RGS17: variants seen among roughly 807,000 people sequenced by gnomAD.
RGS17 encodes the protein regulator of G protein signaling 17, also known as regulator of G-protein signaling 17.
In RGS17, 12 loss-of-function variants were observed where a neutral mutation model predicts 25.5. The ratio of observed to expected loss-of-function variants is 0.47; its 90% CI spans 0.30 to 0.76. The LOEUF is 0.76. RGS17 is among the 30% of genes least tolerant of loss of function. RGS17 has a pLI of 0.07. For missense variants in RGS17, 196 were observed against 242.2 expected (o/e 0.81, Z 1.27); for synonymous variants, 71 against 76.9 (o/e 0.92, Z 0.40).
At chr6:153,074,467 ACT>A (rs375983662) in intron 1 of RGS17, among the ~76,000 whole-genome samples, 8 of 152,092 alleles carry the variant, frequency 5.3e-5, no homozygotes, top group African/African-American at 1.4e-4. Flanking sequence ...TACTAAGAAC[ACT>A]CTTCATTTCC....
chr6:153,019,963 G>C (rs1204386586), intron 4 of RGS17, among the ~76,000 whole-genome samples: 1 of 150,344 alleles, frequency 6.7e-6, no homozygotes, highest in Non-Finnish European at 1.5e-5. Flanking sequence ...TTCCCTTGAA[G>C]ACATCACTTT....
chr6:153,059,520 TG>T (rs1166214190), intron 1 of RGS17, among the ~76,000 whole-genome samples: 1 of 152,238 alleles, frequency 6.6e-6, no homozygotes, highest in East Asian at 1.9e-4. Flanking sequence ...TGCCTTGTAC[TG>T]GCTGTGTGGC....
chr6:153,091,760 G>A (rs1335506628), intron 1 of RGS17, among the ~76,000 whole-genome samples: 2 of 152,068 alleles, frequency 1.3e-5, no homozygotes, highest in Non-Finnish European at 2.9e-5. Context: ...TGATCTGCCC[G>A]CCTTGGCCTC....
At chr6:153,117,442 AT>A (rs1253722783) in intron 1 of RGS17, among the ~76,000 whole-genome samples, 2 of 152,202 alleles carry the variant, frequency 1.3e-5, no homozygotes, top group African/African-American at 4.8e-5. Flanking sequence ...AAGCCTAACC[AT>A]ATCAGGCACT....
At chr6:153,033,259 G>C (rs1194522417) in intron 2 of RGS17, among the ~76,000 whole-genome samples, 1 of 152,088 alleles carries the variant, frequency 6.6e-6, no homozygotes, top group Non-Finnish European at 1.5e-5. Flanking sequence ...ATTTGATTTG[G>C]AATGCCAACT....
chr6:153,018,910 A>C (rs1190978226), intron 4 of RGS17, among the ~76,000 whole-genome samples: 4 of 152,264 alleles, frequency 2.6e-5, no homozygotes, highest in Admixed American at 1.3e-4. Context: ...TGCTAAATTC[A>C]CATAATTTCA....
rs1179983272 is a variant in RGS17, at chr6:153,054,043, GTA to G, written c.-25-10002_-25-10001del. Among the ~76,000 whole-genome samples, 20 of 41,750 alleles carry G rather than the reference GTA, an allele frequency of 4.8e-4. 2 individuals are homozygous for G. The highest frequency in any genetic ancestry group is 2.0e-3 in the African/African-American group (17 of 8,594). 27.4% of individuals were successfully genotyped at this position (41,750 alleles called of 152,430 possible). A position where few individuals can be genotyped will look rare whatever the true frequency, so the allele number is the denominator to read the frequency against. On this transcript the variant is annotated intron_variant, in intron 1 of 4. Transcript: ENST00000206262. ...GTATATAATATATATACATATATAT[GTA>G]TATATGTATATAATATATATACATA... is the stretch of plus-strand genomic sequence containing the variant.
chr6:153,098,242 G>A (rs630462), intron 1 of RGS17, among the ~76,000 whole-genome samples: 17,676 of 152,086 alleles, frequency 0.12, 1,076 homozygotes, highest in Admixed American at 0.16. Context: ...GGATGAGGGG[G>A]TGACCTTAGT....
intron 4 of RGS17, among the ~76,000 whole-genome samples, chr6:153,018,941 GAC>G (rs1164481345): frequency 2.6e-5 from 4 of 152,200 alleles, no homozygotes; most frequent in African/African-American, 7.2e-5. Flanking sequence ...TATCTACATG[GAC>G]ACACAGAATC....
rs1779058235 is a variant in RGS17 at position 153,004,935 on chromosome 6, G to T, written c.*6639C>A. The T allele has an allele frequency of 6.6e-6, 1 of 152,144 alleles. No homozygotes were observed. Among genetic ancestry groups the T allele is most frequent in the African/African-American group, 2.4e-5 (1 of 41,446 alleles). The allele number at this position is 152,144 out of a possible 1,614,324, so 9.4% of individuals were successfully genotyped here. ...CAATATATGGATATAGATTAAGTGT[G>T]ATGAACATGGTAGTAAAAAATTATA... On this transcript the variant is annotated 3_prime_UTR_variant, in exon 5 of 5. Coordinates refer to ENST00000206262, the MANE Select transcript of RGS17 (RefSeq NM_012419.5).
At chr6:153,052,986 G>C (rs1776483488) in intron 1 of RGS17, among the ~76,000 whole-genome samples, 1 of 151,954 alleles carries the variant, frequency 6.6e-6, no homozygotes, top group African/African-American at 2.4e-5. Context: ...GCCTAAAAGA[G>C]GGCCCTCACC....
At chr6:153,082,026 G>A (rs1389039267) in intron 1 of RGS17, among the ~76,000 whole-genome samples, 2 of 152,148 alleles carry the variant, frequency 1.3e-5, no homozygotes, top group Non-Finnish European at 2.9e-5. Context: ...ATTCCTGGTT[G>A]TTTCTTTCAG....
chr6:153,024,125 C>T (rs1261384544), intron 4 of RGS17, 137 bp downstream of exon 4: 8 of 622,674 alleles, frequency 1.3e-5, no homozygotes, highest in African/African-American at 1.1e-4. Context: ...GAAATTCTCC[C>T]AACAGAAGCT....
intron 1 of RGS17, among the ~76,000 whole-genome samples, chr6:153,080,848 T>TG (rs1187205248): frequency 6.6e-6 from 1 of 152,034 alleles, no homozygotes; most frequent in Non-Finnish European, 1.5e-5. Context: ...GTTTTTTTTT[T>TG]AATCCATGAT....
intron 4 of RGS17, among the ~76,000 whole-genome samples, chr6:153,012,988 A>C (rs1284801846): frequency 6.6e-6 from 1 of 151,806 alleles, no homozygotes; most frequent in Non-Finnish European, 1.5e-5. Flanking sequence ...TTGTTGGGAG[A>C]TGGCAATCCA....
rs543766202 is a variant in RGS17, at chr6:153,039,398, C to T, written c.119+4502G>A. ...GAACCATTCTCTTGGAAACTGCAAG[C>T]TGGAGCCAGGGCTGTGGCCAGTGAT... is the stretch of plus-strand genomic sequence containing the variant. On this transcript the variant is annotated intron_variant, in intron 2 of 4. Transcript: ENST00000206262. Among the ~76,000 whole-genome samples, 20 of 152,250 alleles carry T rather than the reference C, an allele frequency of 1.3e-4. No homozygotes were observed. The East Asian group carries it at 3.9e-3, about 29-fold the overall frequency.
intron 1 of RGS17, among the ~76,000 whole-genome samples, chr6:153,080,580 C>T (rs746363253): frequency 5.3e-5 from 8 of 151,866 alleles, no homozygotes. Context: ...TTAATTTTAT[C>T]AATTCTGTTT....
chr6:153,108,092 G>A (rs540274646), intron 1 of RGS17, among the ~76,000 whole-genome samples: 8 of 152,040 alleles, frequency 5.3e-5, no homozygotes, highest in South Asian at 2.1e-4. Context: ...ATCCTCTCCC[G>A]TCCCCCAAAA....
intron 1 of RGS17, among the ~76,000 whole-genome samples, chr6:153,057,018 C>A (rs1033883216): frequency 6.6e-6 from 1 of 151,984 alleles, no homozygotes; most frequent in African/African-American, 2.4e-5. Flanking sequence ...GTTTCACATA[C>A]AATTCTTACA....
Sources: gnomAD v4.1 joint callset for allele counts (sites outside exome capture counted in the v4.1 genomes callset) on GRCh38, gnomAD v4.1.1 for gene constraint, MANE v1.5 for transcripts, NCBI Gene and HGNC (gene_info 2026-07-23, HGNC 2026-07-21) for gene names.